BAZ1A: variants seen among roughly 807,000 people sequenced by gnomAD.
BAZ1A encodes the protein bromodomain adjacent to zinc finger domain protein 1A.
A neutral mutation model predicts 185.2 loss-of-function variants in BAZ1A; 50 were observed. The ratio of observed to expected loss-of-function variants is 0.27; its 90% CI spans 0.22 to 0.34. The LOEUF is 0.34. Among genes scored for constraint, BAZ1A ranks in the 10% least tolerant of loss-of-function variants. The probability of loss-of-function intolerance (pLI) is 1.00; values close to 1 mark genes in which losing one functional copy is unlikely to be tolerated. For synonymous variants in BAZ1A, 571 were observed against 615.6 expected (o/e 0.93, Z 1.07); for missense variants, 1,356 against 1,839.9 (o/e 0.74, Z 4.81).
At chr14:34,789,432 G>C (rs1264801238) in intron 12 of BAZ1A, among the ~76,000 whole-genome samples, 1 of 152,102 alleles carries the variant, frequency 6.6e-6, no homozygotes, top group East Asian at 1.9e-4. Flanking sequence ...TATCATTCTA[G>C]GATTTGCTTA....
At chr14:34,784,367 C>CCAAAA (rs1225939081) in intron 14 of BAZ1A, among the ~76,000 whole-genome samples, 1,204 of 77,138 alleles carry the variant, frequency 0.016, 169 homozygotes, top group Admixed American at 0.048. Flanking sequence ...GACTCTGTCT[C>CCAAAA]AAAAAAAAAA....
intron 3 of BAZ1A, among the ~76,000 whole-genome samples, chr14:34,860,659 C>T (rs553687680): frequency 6.0e-4 from 91 of 151,936 alleles, no homozygotes; most frequent in South Asian, 1.9e-3. Context: ...GTAATCCCAG[C>T]ACTTTGAGAG....
At chr14:34,793,562 A>C (rs1052566611) in intron 11 of BAZ1A, among the ~76,000 whole-genome samples, 2 of 152,212 alleles carry the variant, frequency 1.3e-5, no homozygotes, top group Non-Finnish European at 2.9e-5. Context: ...TAATCCCAGC[A>C]CTTTGCGAGG....
chr14:34,846,596 C>G (rs2042516164), intron 3 of BAZ1A, among the ~76,000 whole-genome samples: 1 of 152,144 alleles, frequency 6.6e-6, no homozygotes, highest in Admixed American at 6.5e-5. Flanking sequence ...GAGTCATTTT[C>G]CATTTTCATT....
chr14:34,780,193 G>C lies in BAZ1A; in HGVS notation c.2229C>G (p.Gly743=), dbSNP rs762206695. Residue 743 remains glycine, a synonymous_variant, in exon 17 of 27, where the codon GGC becomes GGG. Coordinates refer to ENST00000360310, the MANE Select transcript of BAZ1A (RefSeq NM_013448.3). ...AAGAAATTTCAGTATTACCCCTTCT[G>C]CCTCTTTTATGTGATCCTGGGTCAT... The part of the protein sequence containing the change: ...DEDDPGSHKR[G]RRGKRGQNGF... The C allele has an allele frequency of 1.9e-6, 3 of 1,612,658 alleles. No homozygotes were observed. The Admixed American group carries it at 5.0e-5, about 27-fold the overall frequency.
intron 3 of BAZ1A, among the ~76,000 whole-genome samples, chr14:34,837,680 T>C (rs1019411484): frequency 1.3e-5 from 2 of 152,208 alleles, no homozygotes; most frequent in African/African-American, 4.8e-5. Context: ...ATTAAAGCCT[T>C]ATTAATTAGT....
At chr14:34,757,241 T>TAC (rs1431060212) in intron 25 of BAZ1A, among the ~76,000 whole-genome samples, 2 of 150,908 alleles carry the variant, frequency 1.3e-5, no homozygotes, top group Non-Finnish European at 2.9e-5. Flanking sequence ...GGCAGGTGCC[T>TAC]GTAATTCCAG....
At chr14:34,838,560 T>A (rs1417884696) in intron 3 of BAZ1A, among the ~76,000 whole-genome samples, 1 of 151,954 alleles carries the variant, frequency 6.6e-6, no homozygotes, top group Non-Finnish European at 1.5e-5. Context: ...CTCCCTCTGT[T>A]ACCCAGGCTG....
At chr14:34,769,682 T>C (rs1035583508) in intron 21 of BAZ1A, among the ~76,000 whole-genome samples, 24 of 152,368 alleles carry the variant, frequency 1.6e-4, no homozygotes, top group African/African-American at 5.8e-4. Flanking sequence ...TTGTGTCTTA[T>C]CCTTTTACTC....
intron 3 of BAZ1A, 55 bp from the exon 4 acceptor site, chr14:34,826,211 A>C: frequency 6.4e-7 from 1 of 1,564,998 alleles, no homozygotes; most frequent in Non-Finnish European, 8.7e-7. Context: ...TTACAGCCAA[A>C]CATGTCAGAG....
chr14:34,811,075 T>C (rs2041923740), intron 4 of BAZ1A, 39 bp from the exon 5 acceptor site: 1 of 1,362,284 alleles, frequency 7.3e-7, no homozygotes, highest in Non-Finnish European at 1.0e-6. Flanking sequence ...CAGTTAATAA[T>C]TTGGAAAATG....
chr14:34,799,154 T>C (rs1033044420), intron 9 of BAZ1A, among the ~76,000 whole-genome samples: 1 of 145,730 alleles, frequency 6.9e-6, no homozygotes, highest in African/African-American at 2.6e-5. Flanking sequence ...AAACACCGCA[T>C]GTTCTCACTC....
intron 6 of BAZ1A, among the ~76,000 whole-genome samples, chr14:34,806,252 G>A (rs1171397008): frequency 6.6e-6 from 1 of 152,026 alleles, no homozygotes; most frequent in East Asian, 1.9e-4. Context: ...ACATGCAGGA[G>A]CTGATTTGTG....
intron 23 of BAZ1A, 41 bp downstream of exon 23, chr14:34,764,666 C>G (rs1415169593): frequency 1.9e-6 from 3 of 1,557,024 alleles, no homozygotes; most frequent in African/African-American, 1.4e-5. Context: ...AATTGTCTAA[C>G]TAAGACTTAC....
At chr14:34,838,731 A>C (rs2042367032) in intron 3 of BAZ1A, among the ~76,000 whole-genome samples, 1 of 151,862 alleles carries the variant, frequency 6.6e-6, no homozygotes, top group Non-Finnish European at 1.5e-5. Context: ...CACCATGTTA[A>C]CCAGGCTGGT....
intron 17 of BAZ1A, among the ~76,000 whole-genome samples, chr14:34,777,917 G>GA (rs908316715): frequency 5.4e-5 from 8 of 147,330 alleles, no homozygotes; most frequent in Admixed American, 3.6e-4. Flanking sequence ...CTTGAACCCA[G>GA]AAGGTGGAAG....
chr14:34,758,792 T>C lies in BAZ1A; in HGVS notation c.4298A>G (p.His1433Arg). 6 of 1,614,188 alleles carry C rather than the reference T, an allele frequency of 3.7e-6. No homozygotes were observed. Among genetic ancestry groups the C allele is most frequent in the Non-Finnish European group, 5.1e-6 (6 of 1,180,024 alleles). The change falls in exon 25 of 27, where the codon CAT becomes CGT. Residue 1433 changes from histidine (H) to arginine (R), a missense_variant. By Grantham distance (29) the His-to-Arg change is conservative. Transcript: ENST00000360310. ...AAGTTGTTCAAAAGCAGACAATTCA[T>C]GAACTCCTCCCTGTCGGCCAGAACT... is the stretch of plus-strand genomic sequence containing the variant. The part of the protein sequence containing the change: ...RRSSGRQGGV[H>R]ELSAFEQLVV...
chr14:34,816,725 C>A, intron 4 of BAZ1A: 1 of 313,070 alleles, frequency 3.2e-6, no homozygotes, highest in African/African-American at 2.2e-5. Flanking sequence ...CTATACCTGG[C>A]ACATCTGGCT....
At position 34,753,250 on chromosome 14, in the gene BAZ1A, C is replaced by G. The variant is rs45509197; in HGVS notation, c.*258G>C. ...CAAGATCTCTGGACACATGAATGAT[C>G]TCAAAAATGTACAAAAACCTCTGTA... On this transcript the variant is annotated 3_prime_UTR_variant, in exon 27 of 27. Transcript: ENST00000360310. 1.0e-2 allele frequency: 3,887 copies of G among 388,864 alleles called. 28 individuals carry two copies. The highest frequency in any genetic ancestry group is 0.015 in the Non-Finnish European group (3,156 of 216,122). 24.1% of individuals were successfully genotyped at this position (388,864 alleles called of 1,614,324 possible).
Sources: gnomAD v4.1 joint callset for allele counts (sites outside exome capture counted in the v4.1 genomes callset) on GRCh38, gnomAD v4.1.1 for gene constraint, MANE v1.5 for transcripts, NCBI Gene and HGNC (gene_info 2026-07-23, HGNC 2026-07-21) for gene names.